Variants in ZNF347 observed in about 807,000 individuals in gnomAD.
ZNF347 encodes zinc finger protein 347.
A neutral mutation model predicts 12.9 loss-of-function variants in ZNF347; 19 were observed. The observed-to-expected ratio is 1.47, with a 90% confidence interval of 1.03 to 2.16. The LOEUF (loss-of-function observed/expected upper bound fraction) is 2.16. Among genes scored for constraint, ZNF347 ranks in the 30% most tolerant of loss-of-function variants. The pLI is 0.00. For missense variants in ZNF347, 1,005 were observed against 990.6 expected (o/e 1.01, Z -0.19); for synonymous variants, 328 against 340.6 (o/e 0.96, Z 0.41).
At position 53,137,216 on chromosome 19, in the gene ZNF347, A is replaced by G. The variant is rs2090392465; in HGVS notation, c.*3092T>C. 1 of 152,050 alleles carries G rather than the reference A, an allele frequency of 6.6e-6. No homozygotes were observed. Among genetic ancestry groups the G allele is most frequent in the African/African-American group, 2.4e-5 (1 of 41,406 alleles). 9.4% of individuals were successfully genotyped at this position (152,050 alleles called of 1,614,324 possible). On this transcript the variant is annotated 3_prime_UTR_variant, in exon 5 of 5. Transcript: ENST00000334197. The stretch of plus-strand genomic sequence containing the variant: ...CTGGCCAGAAATCAGAAGTTGCAAG[A>G]GTAAATATTCAGTGTTGTACTACAG...
At chr19:53,149,182 T>A in intron 3 of ZNF347, 59 bp downstream of exon 3, 1 of 1,594,024 alleles carries the variant, frequency 6.3e-7, no homozygotes, top group Non-Finnish European at 8.5e-7. Context: ...GAGAGCCACA[T>A]GGAAAATGAA....
intron 1 of ZNF347, among the ~76,000 whole-genome samples, chr19:53,154,497 G>T (rs1056195324): frequency 6.6e-6 from 1 of 151,934 alleles, no homozygotes; most frequent in East Asian, 1.9e-4. Context: ...CAATGAGTGC[G>T]GACAGAGAAA....
At chr19:53,146,049 C>A (rs895433687) in intron 4 of ZNF347, among the ~76,000 whole-genome samples, 8 of 151,826 alleles carry the variant, frequency 5.3e-5, no homozygotes, top group African/African-American at 1.9e-4. Context: ...GATACCAGCT[C>A]ACCATAACCT....
At chr19:53,147,739 C>CTGTAT (rs1242364659) in intron 4 of ZNF347, among the ~76,000 whole-genome samples, 3 of 151,950 alleles carry the variant, frequency 2.0e-5, no homozygotes, top group Non-Finnish European at 4.4e-5. Flanking sequence ...AACTATAGGC[C>CTGTAT]ACTACCCCTG....
rs770964291 is a variant in ZNF347 at position 53,140,962 on chromosome 19, C to A, written c.1866G>T (p.Glu622Asp). Reference protein sequence around the residue: ...LSRHQRIHTGEKPYKYNEYGK... With the variant: ...LSRHQRIHTGDKPYKYNEYGK... Reference sequence around the variant, plus strand: ...CATACTCATTATACTTGTAAGGTTTCTCTCCAGTATGAATTCGCTGATGCC... The same window carrying A: ...CATACTCATTATACTTGTAAGGTTTATCTCCAGTATGAATTCGCTGATGCC... Residue 622 changes from glutamate to aspartate, a missense_variant, in exon 5 of 5, where the codon GAG becomes GAT. Physicochemically the swap from Glu to Asp is conservative, Grantham distance 45 (BLOSUM62 2). Transcript: ENST00000334197. 1.2e-6 allele frequency: 2 copies of A among 1,613,672 alleles called. No homozygotes were observed. The highest frequency in any genetic ancestry group is 4.5e-5 in the East Asian group (2 of 44,852).
In ZNF347 at chr19:53,141,783, C is replaced by A; in HGVS notation, c.1045G>T (p.Glu349Ter). ...HTGEKPYKCN[E>*]CGKVFTQNSH... ...TTCTGAGTGAAGACCTTGCCACATTCGTTACATTTATAAGGTTTCTCTCCA... is the reference window on the plus strand; with the variant it reads ...TTCTGAGTGAAGACCTTGCCACATTAGTTACATTTATAAGGTTTCTCTCCA... The change falls in exon 5 of 5, where the codon GAA becomes TAA. Residue 349 changes from glutamate (E) to a stop codon, truncating the protein, a stop_gained. Transcript: ENST00000334197. LOFTEE classifies it low-confidence loss of function (END_TRUNC). 1 of 1,613,574 alleles carries A rather than the reference C, an allele frequency of 6.2e-7. No homozygotes were observed. The highest frequency in any genetic ancestry group is 8.5e-7 in the Non-Finnish European group (1 of 1,179,818).
In ZNF347 at chr19:53,141,368, C is replaced by T. The variant is rs1292870060; in HGVS notation, c.1460G>A (p.Cys487Tyr). The T allele has an allele frequency of 6.2e-7, 1 of 1,613,664 alleles. No homozygotes were observed. The highest frequency in any genetic ancestry group is 8.5e-7 in the Non-Finnish European group (1 of 1,179,914). ...TCTAAAGGCTTTGCCACACTCATTA[C>T]ACTTATAAGGTTTCTCTCCAGTATG... Reference protein sequence around the residue: ...LIHTGEKPYKCNECGKAFRAH... With the variant: ...LIHTGEKPYKYNECGKAFRAH... Residue 487 changes from cysteine (C) to tyrosine (Y), a missense_variant, in exon 5 of 5, where the codon TGT becomes TAT. Physicochemically the swap from Cys to Tyr is radical, Grantham distance 194. Transcript: ENST00000334197.
chr19:53,141,265 G>A lies in ZNF347; in HGVS notation c.1563C>T (p.Val521=). 6.2e-6 allele frequency: 10 copies of A among 1,613,870 alleles called. No homozygotes were observed. The highest frequency in any genetic ancestry group is 8.5e-6 in the Non-Finnish European group (10 of 1,179,984). The change falls in exon 5 of 5, where the codon GTC becomes GTT. Residue 521 remains valine (V), a synonymous_variant. Transcript: ENST00000334197. Reference sequence around the variant, plus strand: ...TTGCAAGGTGTGAATTTTGAGTGAAGACCTTGCCACATTCATTACATTTGT... The same window carrying A: ...TTGCAAGGTGTGAATTTTGAGTGAAAACCTTGCCACATTCATTACATTTGT... ...KPYKCNECGK[V]FTQNSHLANH...
At chr19:53,151,041 G>A (rs2090494002) in intron 2 of ZNF347, among the ~76,000 whole-genome samples, 1 of 152,054 alleles carries the variant, frequency 6.6e-6, no homozygotes, top group African/African-American at 2.4e-5. Context: ...TGCTCAGTCT[G>A]GCATTATTCT....
Position 53,141,208 on chromosome 19 carries a change from A to T in ZNF347, c.1620T>A (p.Pro540=). 6.2e-7 allele frequency: 1 copy of T among 1,608,422 alleles called. No individual in the cohort carries two copies. Among genetic ancestry groups the T allele is most frequent in the Non-Finnish European group, 8.5e-7 (1 of 1,175,786 alleles). ...CTTTGCCGCACTCATTACACATATA[A>T]GGCTTCACTCCAGTATGAATTCTTT... is the stretch of plus-strand genomic sequence containing the variant. ...NHQRIHTGVK[P]YMCNECGKAF... Residue 540 remains proline, a synonymous_variant, in exon 5 of 5, where the codon CCT becomes CCA. Transcript: ENST00000334197.
Position 53,135,388 on chromosome 19 carries a change from A to AGG in ZNF347, c.*4919_*4920insCC, listed in dbSNP as rs1236923616. The AGG allele has an allele frequency of 8.7e-5, 13 of 149,392 alleles. No individual in the cohort carries two copies. The highest frequency in any genetic ancestry group is 3.2e-4 in the African/African-American group (13 of 40,638). 9.3% of individuals were successfully genotyped at this position (149,392 alleles called of 1,614,324 possible). A position where few individuals can be genotyped will look rare whatever the true frequency, so the allele number is the denominator to read the frequency against. On this transcript the variant is annotated 3_prime_UTR_variant, in exon 5 of 5. Coordinates refer to ENST00000334197, the MANE Select transcript of ZNF347 (RefSeq NM_032584.3). ...GAGAGAAAGAGAGAGAGAGAGAGAG[A>AGG]GAGAGATGGAGTCCCGCTCTGTCAC...
rs776732952 is a variant in ZNF347, at chr19:53,142,261, C to T, written c.567G>A (p.Gln189=). The T allele has an allele frequency of 1.2e-6, 2 of 1,613,506 alleles. No homozygotes were observed. Among genetic ancestry groups the T allele is most frequent in the African/African-American group, 2.7e-5 (2 of 74,892 alleles). The change falls in exon 5 of 5, where the codon CAG becomes CAA. Residue 189 remains glutamine (Q), a synonymous_variant. Transcript: ENST00000334197. ...AAAGCTGCAGTTCAGGCAGATGTGA[C>T]TGAAGGCTTAATCCAAGCTGATTTT... is the stretch of plus-strand genomic sequence containing the variant. The part of the protein sequence containing the change: ...LIKNQLGLSL[Q]SHLPELQLFQ...
rs1488060245 is a variant in ZNF347 at position 53,135,665 on chromosome 19, G to GC, written c.*4642dup. The GC allele has an allele frequency of 1.3e-5, 2 of 152,088 alleles. No individual in the cohort carries two copies. The highest frequency in any genetic ancestry group is 4.8e-5 in the African/African-American group (2 of 41,414). 9.4% of individuals were successfully genotyped at this position (152,088 alleles called of 1,614,324 possible). A position where few individuals can be genotyped will look rare whatever the true frequency, so the allele number is the denominator to read the frequency against. ...TGGGATTACAGGCATGAGCCACTGT[G>GC]CCCAGCCTAATTTGATTATTTTGCT... On this transcript the variant is annotated 3_prime_UTR_variant, in exon 5 of 5. Coordinates refer to ENST00000334197, the MANE Select transcript of ZNF347 (RefSeq NM_032584.3).
Position 53,140,734 on chromosome 19 carries a change from C to G in ZNF347, c.2094G>C (p.Arg698Ser), listed in dbSNP as rs746212153. 11 of 1,612,602 alleles carry G rather than the reference C, an allele frequency of 6.8e-6. No homozygotes were observed. Among genetic ancestry groups the G allele is most frequent in the Non-Finnish European group, 8.5e-6 (10 of 1,179,282 alleles). ...KAFSQTSKLA[R>S]HQRVHTGEKP... ...TCTCTCCAGTATGAACTCTCTGATG[C>G]CTTGCAAGCTTTGATGTTTGACTAA... The change falls in exon 5 of 5, where the codon AGG becomes AGC. Residue 698 changes from arginine (R) to serine (S), a missense_variant. By Grantham distance (110) the Arg-to-Ser change is moderately radical. Coordinates refer to ENST00000334197, the MANE Select transcript of ZNF347 (RefSeq NM_032584.3).
chr19:53,144,366 T>C (rs2090449572), intron 4 of ZNF347, among the ~76,000 whole-genome samples: 1 of 152,028 alleles, frequency 6.6e-6, no homozygotes, highest in Admixed American at 6.6e-5. Context: ...TCAATAAGTG[T>C]AAAAAGAGAC....
chr19:53,149,396 G>T, intron 2 of ZNF347, 29 bp from the exon 3 acceptor site: 4 of 1,612,442 alleles, frequency 2.5e-6, no homozygotes, highest in Non-Finnish European at 3.4e-6. Flanking sequence ...CCACCAGGGG[G>T]ATATAAGGAA....
Position 53,141,903 on chromosome 19 carries a change from C to T in ZNF347, c.925G>A (p.Val309Met), listed in dbSNP as rs759847078. 1.2e-6 allele frequency: 2 copies of T among 1,613,864 alleles called. No homozygotes were observed. The highest frequency in any genetic ancestry group is 4.5e-5 in the East Asian group (2 of 44,876). ...TAACGTTTTTCGCCAGTATGGATCA[C>T]CTGATGGGTAGTTAGGTTTGAACGT... ...RTRSNLTTHQ[V>M]IHTGEKRYKC... The change falls in exon 5 of 5, where the codon GTG becomes ATG. Residue 309 changes from valine (V) to methionine (M), a missense_variant. Transcript: ENST00000334197.
In ZNF347 at chr19:53,140,128, G is replaced by A. The variant is rs1237505796; in HGVS notation, c.*180C>T. On this transcript the variant is annotated 3_prime_UTR_variant, in exon 5 of 5. Coordinates refer to ENST00000334197, the MANE Select transcript of ZNF347 (RefSeq NM_032584.3). ...TTGGTCAGGCTGGTCTTGAACTCCT[G>A]ACCTCAGGTGATCCACCTGCCTCGG... The A allele has an allele frequency of 1.7e-6, 1 of 594,614 alleles. No homozygotes were observed. Among genetic ancestry groups the A allele is most frequent in the Non-Finnish European group, 2.9e-6 (1 of 347,734 alleles). 36.8% of individuals were successfully genotyped at this position (594,614 alleles called of 1,614,324 possible).
In ZNF347 at chr19:53,141,314, A is replaced by C. The variant is rs773308757; in HGVS notation, c.1514T>G (p.Val505Gly). 8 of 1,610,518 alleles carry C rather than the reference A, an allele frequency of 5.0e-6. No homozygotes were observed. The highest frequency in any genetic ancestry group is 1.1e-5 in the South Asian group (1 of 90,876). ...RAHSNLTTHQVIHTGEKPYKC... is the reference protein window; with the variant it reads ...RAHSNLTTHQGIHTGEKPYKC... ...GTAAGGCTTTTCTCCAGTATGGATGACCTGATGGGTAGTTAGGTTTGAATG... is the reference window on the plus strand; with the variant it reads ...GTAAGGCTTTTCTCCAGTATGGATGCCCTGATGGGTAGTTAGGTTTGAATG... Residue 505 changes from valine to glycine, a missense_variant, in exon 5 of 5, where the codon GTC (valine) becomes GGC (glycine). Val to Gly is a moderately radical substitution (Grantham distance 109). Coordinates refer to ENST00000334197, the MANE Select transcript of ZNF347 (RefSeq NM_032584.3).
Sources: gnomAD v4.1 joint callset for allele counts (sites outside exome capture counted in the v4.1 genomes callset) on GRCh38, gnomAD v4.1.1 for gene constraint, MANE v1.5 for transcripts, NCBI Gene and HGNC (gene_info 2026-07-23, HGNC 2026-07-21) for gene names.